Variants in PPP3CA observed in about 807,000 individuals in gnomAD.
The protein encoded by PPP3CA is CAM-PRP catalytic subunit.
Under a neutral mutation model 66.5 loss-of-function variants are expected in PPP3CA, and 14 were observed. The observed-to-expected ratio is 0.21, with a 90% CI of 0.14 to 0.33. The LOEUF is 0.33. PPP3CA is among the 10% of genes least tolerant of loss of function. The pLI, the probability that PPP3CA is intolerant of heterozygous loss-of-function variation, is 1.00. For missense variants in PPP3CA, 317 were observed against 639.5 expected (o/e 0.50, Z 5.44); for synonymous variants, 232 against 226.2 (o/e 1.03, Z -0.23).
intron 1 of PPP3CA, among the ~76,000 whole-genome samples, chr4:101,212,073 G>A (rs1254105069): frequency 2.0e-5 from 3 of 152,012 alleles, no homozygotes; most frequent in Non-Finnish European, 2.9e-5. Flanking sequence ...ATTCAAATTT[G>A]TTTAACTTAT....
At chr4:101,063,676 T>A (rs1327552452) in intron 8 of PPP3CA, among the ~76,000 whole-genome samples, 1 of 151,990 alleles carries the variant, frequency 6.6e-6, no homozygotes, top group African/African-American at 2.4e-5. Flanking sequence ...GTCTTAAAAT[T>A]TGATATCTGA....
chr4:101,304,237 C>T (rs1237742964), intron 1 of PPP3CA, among the ~76,000 whole-genome samples: 8 of 151,846 alleles, frequency 5.3e-5, no homozygotes, highest in Admixed American at 3.9e-4. Context: ...TTTTTTGATT[C>T]TATTTGTGCT....
chr4:101,257,928 G>C (rs886280684), intron 1 of PPP3CA, among the ~76,000 whole-genome samples: 2 of 152,002 alleles, frequency 1.3e-5, no homozygotes, highest in African/African-American at 2.4e-5. Context: ...ATGAAACTGT[G>C]TTCAAAACAA....
At chr4:101,060,630 T>C (rs1319661871) in intron 10 of PPP3CA, among the ~76,000 whole-genome samples, 2 of 152,096 alleles carry the variant, frequency 1.3e-5, no homozygotes, top group Non-Finnish European at 2.9e-5. Flanking sequence ...AATATTGGGA[T>C]TGAAATAAAT....
At chr4:101,299,915 C>T (rs1018860437) in intron 1 of PPP3CA, among the ~76,000 whole-genome samples, 7 of 152,126 alleles carry the variant, frequency 4.6e-5, no homozygotes, top group Admixed American at 1.3e-4. Context: ...TTTGAACACA[C>T]TTTTTTTGAA....
intron 2 of PPP3CA, among the ~76,000 whole-genome samples, chr4:101,113,335 C>T (rs1215801248): frequency 1.3e-5 from 2 of 152,102 alleles, no homozygotes; most frequent in Non-Finnish European, 2.9e-5. Context: ...TACACCTATG[C>T]TTTTGAGCCT....
chr4:101,266,989 T>C (rs975677218), intron 1 of PPP3CA, among the ~76,000 whole-genome samples: 1 of 152,222 alleles, frequency 6.6e-6, no homozygotes, highest in Non-Finnish European at 1.5e-5. Context: ...CTTTTCAGAA[T>C]ACCATGCCTA....
In PPP3CA at chr4:101,345,354, T is replaced by C. The variant is rs1578207701; in HGVS notation, c.58+1385A>G. ...AAACCCCAGAGGGACTTGTGTATCA[T>C]GGTCTTTGGGCTGCTGGGTTACTTC... On this transcript the variant is annotated intron_variant, in intron 1 of 13. Coordinates refer to ENST00000394854, the MANE Select transcript of PPP3CA (RefSeq NM_000944.5). Among the ~76,000 whole-genome samples, 2 of 152,348 alleles carry C rather than the reference T, an allele frequency of 1.3e-5. 1 individual carries two copies. Among genetic ancestry groups the C allele is most frequent in the Admixed American group, 1.3e-4 (2 of 15,306 alleles).
intron 1 of PPP3CA, among the ~76,000 whole-genome samples, chr4:101,300,563 G>A (rs1728342066): frequency 6.6e-6 from 1 of 152,150 alleles, no homozygotes; most frequent in Non-Finnish European, 1.5e-5. Flanking sequence ...GGGAGGCCGA[G>A]GCAGGTGGAT....
rs183816425 is a variant in PPP3CA at position 101,185,446 on chromosome 4, G to A, written c.259+10470C>T. ...ACAGTACTTGAAAGCAACTTCTAAA[G>A]CTAAACTTTTGAAACATGGTCATGT... On this transcript the variant is annotated intron_variant, in intron 2 of 13. Transcript: ENST00000394854. Among the ~76,000 whole-genome samples, 380 of 152,256 alleles carry A rather than the reference G, an allele frequency of 2.5e-3. 3 individuals are homozygous for A. Among genetic ancestry groups the A allele is most frequent in the Middle Eastern group, 3.4e-3 (1 of 294 alleles).
intron 1 of PPP3CA, among the ~76,000 whole-genome samples, chr4:101,301,871 G>C (rs1728388817): frequency 6.7e-6 from 1 of 149,576 alleles, no homozygotes; most frequent in Non-Finnish European, 1.5e-5. Flanking sequence ...GAAATTACTA[G>C]ATAATGATCT....
intron 12 of PPP3CA, among the ~76,000 whole-genome samples, chr4:101,030,804 A>C (rs976607359): frequency 1.3e-5 from 2 of 152,152 alleles, no homozygotes; most frequent in African/African-American, 4.8e-5. Flanking sequence ...TCTAAAGCCC[A>C]CAGTTTCTGA....
At chr4:101,091,555 T>G (rs1362000417) in intron 6 of PPP3CA, among the ~76,000 whole-genome samples, 1 of 152,074 alleles carries the variant, frequency 6.6e-6, no homozygotes, top group Non-Finnish European at 1.5e-5. Flanking sequence ...AGATTTTCTA[T>G]TCATGAACTT....
intron 1 of PPP3CA, among the ~76,000 whole-genome samples, chr4:101,326,950 T>G (rs1333614554): frequency 3.3e-5 from 5 of 152,232 alleles, no homozygotes; most frequent in Non-Finnish European, 5.9e-5. Flanking sequence ...AGGCAGTATC[T>G]ATCTGCCTAT....
rs1162183796 is a variant in PPP3CA, at chr4:101,025,554, A to G, written c.*311T>C. 1 of 203,052 alleles carries G rather than the reference A, an allele frequency of 4.9e-6. No homozygotes were observed. Among genetic ancestry groups the G allele is most frequent in the Non-Finnish European group, 9.9e-6 (1 of 100,994 alleles). The allele number at this position is 203,052 out of a possible 1,614,324, so 12.6% of individuals were successfully genotyped here. A position where few individuals can be genotyped will look rare whatever the true frequency, so the allele number is the denominator to read the frequency against. On this transcript the variant is annotated 3_prime_UTR_variant, in exon 14 of 14. Coordinates refer to ENST00000394854, the MANE Select transcript of PPP3CA (RefSeq NM_000944.5). ...GAAGTCCCCAATGCAGTAGGAAAACATGTTCATTCCCCTAACATTGCAGTA... is the reference window on the plus strand; with the variant it reads ...GAAGTCCCCAATGCAGTAGGAAAACGTGTTCATTCCCCTAACATTGCAGTA...
chr4:101,140,689 A>T (rs1039487304), intron 2 of PPP3CA, among the ~76,000 whole-genome samples: 29 of 152,214 alleles, frequency 1.9e-4, no homozygotes, highest in Non-Finnish European at 4.1e-4. Context: ...ATCTGTGACC[A>T]AGTTATAAAC....
At chr4:101,281,383 C>A (rs1330153002) in intron 1 of PPP3CA, among the ~76,000 whole-genome samples, 2 of 152,138 alleles carry the variant, frequency 1.3e-5, no homozygotes, top group Admixed American at 1.3e-4. Context: ...TATGATCCAA[C>A]AAAGAATAGA....
At chr4:101,336,260 T>A (rs969507645) in intron 1 of PPP3CA, among the ~76,000 whole-genome samples, 1 of 148,448 alleles carries the variant, frequency 6.7e-6, no homozygotes, top group African/African-American at 2.5e-5. Flanking sequence ...GGGTGAGGAA[T>A]AGCTAGAAGA....
intron 10 of PPP3CA, among the ~76,000 whole-genome samples, chr4:101,043,424 G>C (rs867498934): frequency 6.6e-6 from 1 of 152,040 alleles, no homozygotes; most frequent in African/African-American, 2.4e-5. Context: ...TTCTCACAGT[G>C]AGTATACTAT....
Sources: gnomAD v4.1 joint callset for allele counts (sites outside exome capture counted in the v4.1 genomes callset) on GRCh38, gnomAD v4.1.1 for gene constraint, MANE v1.5 for transcripts, NCBI Gene and HGNC (gene_info 2026-07-23, HGNC 2026-07-21) for gene names.